Variants in OR3A3 observed in about 807,000 individuals in gnomAD.
OR3A3 encodes olfactory receptor family 3 subfamily A member 3, also known as olfactory receptor 3A3.
For synonymous variants in OR3A3, 103 were observed against 163.9 expected (o/e 0.63, Z 2.84); for missense variants, 275 against 391.4 (o/e 0.70, Z 2.51).
At chr17:3,423,578 G>T (rs1177462926) in exon 3 of OR3A3, 1 of 152,054 alleles carries the variant, frequency 6.6e-6, no homozygotes, top group Non-Finnish European at 1.5e-5. Flanking sequence ...CTTTCAAATG[G>T]GAAATAAAAA....
intron 2 of OR3A3, among the ~76,000 whole-genome samples, chr17:3,419,969 GTGTTAGCCAGGA>G (rs2072418531): frequency 6.6e-6 from 1 of 152,092 alleles, no homozygotes; most frequent in East Asian, 1.9e-4. Flanking sequence ...GGGTTTCGCT[GTGTTAGCCAGGA>G]TGGTCTCAAT....
chr17:3,415,258 T>C (rs1412783694), intron 2 of OR3A3, among the ~76,000 whole-genome samples: 1 of 152,014 alleles, frequency 6.6e-6, no homozygotes, highest in African/African-American at 2.4e-5. Flanking sequence ...TCCTATACTT[T>C]CATATTTTTA....
exon 3 of OR3A3, chr17:3,421,547 T>C: frequency 6.6e-7 from 1 of 1,516,978 alleles, no homozygotes; most frequent in Non-Finnish European, 8.8e-7. Flanking sequence ...ATGACCTCCT[T>C]TCCTGCCTTT....
chr17:3,421,628 C>A, exon 3 of OR3A3: 1 of 1,391,272 alleles, frequency 7.2e-7, no homozygotes, highest in Non-Finnish European at 9.7e-7. Context: ...ATTTCTATCT[C>A]CTGATGCCTG....
chr17:3,422,330 A>G (rs2072440388), exon 3 of OR3A3: 1 of 152,194 alleles, frequency 6.6e-6, no homozygotes, highest in Admixed American at 6.5e-5. Flanking sequence ...GGAATGTCCT[A>G]TTTCCATCCC....
chr17:3,417,869 T>A lies in OR3A3; in HGVS notation c.-6-2711T>A, dbSNP rs186934701. Among the ~76,000 whole-genome samples, 29 of 152,364 alleles carry A rather than the reference T, an allele frequency of 1.9e-4. No individual in the cohort carries two copies. In the East Asian group the frequency reaches 4.8e-3, roughly 25 times the overall value. ...TGACCTTACTAGGACTATCTCAGAA[T>A]GGGACCTGTTTCTGTCTCCTGGTAC... On this transcript the variant is annotated intron_variant, in intron 2 of 2. Coordinates refer to ENST00000641141, the Ensembl canonical transcript of OR3A3.
intron 2 of OR3A3, among the ~76,000 whole-genome samples, chr17:3,415,798 AATTATT>A (rs71153352): frequency 0.043 from 3,872 of 90,508 alleles, 129 homozygotes; most frequent in Admixed American, 0.088. Flanking sequence ...CTTATTTTTA[AATTATT>A]ATTATTATTA....
chr17:3,416,289 T>C (rs1167085832), intron 2 of OR3A3, among the ~76,000 whole-genome samples: 1 of 152,200 alleles, frequency 6.6e-6, no homozygotes, highest in Non-Finnish European at 1.5e-5. Flanking sequence ...ATACATTTTC[T>C]CATTTTGAAC....
intron 1 of OR3A3, among the ~76,000 whole-genome samples, chr17:3,411,739 C>T (rs562020039): frequency 1.8e-4 from 28 of 152,330 alleles, no homozygotes; most frequent in African/African-American, 6.7e-4. Context: ...CCAGCTGCAC[C>T]TCTCCCTTCC....
At chr17:3,417,897 G>A (rs1171880219) in intron 2 of OR3A3, among the ~76,000 whole-genome samples, 2 of 152,162 alleles carry the variant, frequency 1.3e-5, no homozygotes. Context: ...CCTGGTACAT[G>A]TTGTGACTTT....
rs116581090 is a variant in OR3A3, at chr17:3,419,518, T to G, written c.-6-1062T>G. Among the ~76,000 whole-genome samples, 138 of 152,330 alleles carry G rather than the reference T, an allele frequency of 9.1e-4. 1 individual carries two copies. The highest frequency in any genetic ancestry group is 2.6e-3 in the African/African-American group (110 of 41,576). On this transcript the variant is annotated intron_variant, in intron 2 of 2. Transcript: ENST00000641141. ...ATCCAGTTTGTATAAAAGGATATAT[T>G]TTAACATTCTCACCACAAAAATGAG...
chr17:3,421,378 C>T (rs949299487), exon 3 of OR3A3: 2 of 1,614,022 alleles, frequency 1.2e-6, no homozygotes, highest in African/African-American at 2.7e-5. Context: ...CTACATGAGG[C>T]TGGGTTCAGT....
exon 3 of OR3A3, chr17:3,420,681 GCTC>G (rs1324208296): frequency 1.3e-6 from 2 of 1,539,314 alleles, no homozygotes; most frequent in Admixed American, 1.9e-5. Context: ...TTGTCTTTGT[GCTC>G]CTCCTCTTTG....
chr17:3,416,038 T>G (rs962805842), intron 2 of OR3A3, among the ~76,000 whole-genome samples: 2 of 151,836 alleles, frequency 1.3e-5, no homozygotes, highest in African/African-American at 4.8e-5. Context: ...TGTCAAACTC[T>G]TGAGCTCAAG....
intron 2 of OR3A3, among the ~76,000 whole-genome samples, chr17:3,413,616 C>T (rs2072373572): frequency 6.6e-6 from 1 of 151,964 alleles, no homozygotes; most frequent in South Asian, 2.1e-4. Context: ...TGTTCGAGAC[C>T]AACCTGGTCA....
At chr17:3,416,169 A>G (rs2072390443) in intron 2 of OR3A3, among the ~76,000 whole-genome samples, 1 of 152,098 alleles carries the variant, frequency 6.6e-6, no homozygotes, top group Non-Finnish European at 1.5e-5. Flanking sequence ...TTTTATTATA[A>G]GATTTCAGAA....
intron 2 of OR3A3, among the ~76,000 whole-genome samples, chr17:3,414,400 A>C (rs964794632): frequency 3.9e-5 from 6 of 152,072 alleles, no homozygotes; most frequent in African/African-American, 1.4e-4. Context: ...ACATATTTCT[A>C]CTGTGCAGCT....
chr17:3,421,649 T>G, exon 3 of OR3A3: 3 of 1,208,234 alleles, frequency 2.5e-6, no homozygotes, highest in Non-Finnish European at 2.3e-6. Flanking sequence ...AGGAGTGGTG[T>G]TATGTGTTTG....
At chr17:3,416,640 C>G (rs1465725690) in intron 2 of OR3A3, among the ~76,000 whole-genome samples, 1 of 151,952 alleles carries the variant, frequency 6.6e-6, no homozygotes, top group East Asian at 1.9e-4. Context: ...TTTAATAAAT[C>G]ATAACTTCAT....
Sources: gnomAD v4.1 joint callset for allele counts (sites outside exome capture counted in the v4.1 genomes callset) on GRCh38, gnomAD v4.1.1 for gene constraint, MANE v1.5 for transcripts, NCBI Gene and HGNC (gene_info 2026-07-23, HGNC 2026-07-21) for gene names.